SLC24A2: variants seen among roughly 807,000 people sequenced by gnomAD.
The protein encoded by SLC24A2 is solute carrier family 24 member 2.
SLC24A2 carries 36 observed loss-of-function variants against 62.0 expected under a neutral mutation model. The observed-to-expected ratio is 0.58, with a 90% CI of 0.44 to 0.77. The LOEUF (loss-of-function observed/expected upper bound fraction) is 0.77, where lower values mean the gene tolerates loss of function less well. Ranked by LOEUF, SLC24A2 falls within the 30% of genes least tolerant of loss-of-function variation. SLC24A2 has a pLI of 0.00. For missense variants in SLC24A2, 846 were observed against 817.9 expected (o/e 1.03, Z -0.42); for synonymous variants, 358 against 294.0 (o/e 1.22, Z -2.23).
chr9:20,255,811 G>T, the SLC24A2 span, among the ~76,000 whole-genome samples: 1 of 152,188 alleles, frequency 6.6e-6, no homozygotes, highest in Non-Finnish European at 1.5e-5. Context: ...AAGAATTCAT[G>T]GTCATACTTA....
rs1232096134 is a variant in SLC24A2 at position 19,508,562 on chromosome 9, G to C, written c.*7591C>G. ...AATCCCAGCACTTTGGGAGGCCAAA[G>C]CAGGAGGATCTCTTGAGCCCAGGAG... On this transcript the variant is annotated 3_prime_UTR_variant, in exon 11 of 11. Transcript: ENST00000341998. 1 of 152,210 alleles carries C rather than the reference G, an allele frequency of 6.6e-6. No homozygotes were observed. Among genetic ancestry groups the C allele is most frequent in the Non-Finnish European group, 1.5e-5 (1 of 68,072 alleles). 9.4% of individuals were successfully genotyped at this position (152,210 alleles called of 1,614,324 possible). A position where few individuals can be genotyped will look rare whatever the true frequency, so the allele number is the denominator to read the frequency against.
At position 19,535,928 on chromosome 9, in the gene SLC24A2, T is replaced by A. The variant is rs578260067; in HGVS notation, c.1480-7790A>T. 1.2e-3 allele frequency among the ~76,000 whole-genome samples: 187 copies of A among 150,330 alleles called. 3 individuals are homozygous for A. The highest frequency in any genetic ancestry group is 4.4e-3 in the African/African-American group (176 of 39,664). ...ACAGCATTGAATCTATAAATTACTT[T>A]GGAAAGTATGGCCATTTTCATGATA... On this transcript the variant is annotated intron_variant, in intron 8 of 10. Transcript: ENST00000341998.
At chr9:19,647,717 C>A (rs1277205654) in intron 2 of SLC24A2, among the ~76,000 whole-genome samples, 6 of 152,170 alleles carry the variant, frequency 3.9e-5, no homozygotes, top group Non-Finnish European at 8.8e-5. Context: ...CCATTAGATA[C>A]CATTTATATT....
chr9:19,791,080 T>A (rs1354506931), upstream of SLC24A2, among the ~76,000 whole-genome samples: 1 of 152,206 alleles, frequency 6.6e-6, no homozygotes, highest in Non-Finnish European at 1.5e-5. Context: ...AATTTATTTT[T>A]CTCATGGTAA....
chr9:20,275,721 G>C, the SLC24A2 span, among the ~76,000 whole-genome samples: 4 of 152,164 alleles, frequency 2.6e-5, no homozygotes, highest in African/African-American at 9.7e-5. Flanking sequence ...ATGAAGAAAT[G>C]CCCAAGACTG....
At chr9:20,187,812 C>A in the SLC24A2 span, among the ~76,000 whole-genome samples, 1 of 152,188 alleles carries the variant, frequency 6.6e-6, no homozygotes, top group Non-Finnish European at 1.5e-5. Flanking sequence ...TCAGTCTCCC[C>A]TAGACCCTTG....
Position 19,510,959 on chromosome 9 carries a change from G to C in SLC24A2, c.*5194C>G, listed in dbSNP as rs1210267672. The C allele has an allele frequency of 6.6e-6, 1 of 152,230 alleles. No individual in the cohort carries two copies. The highest frequency in any genetic ancestry group is 2.4e-5 in the African/African-American group (1 of 41,438). 9.4% of individuals were successfully genotyped at this position (152,230 alleles called of 1,614,324 possible). A position where few individuals can be genotyped will look rare whatever the true frequency, so the allele number is the denominator to read the frequency against. ...CATATTAAGGGCCTCTGTGGAGTTT[G>C]GGTGGTTCTGAGCAAGGCTGGTGCC... On this transcript the variant is annotated 3_prime_UTR_variant, in exon 11 of 11. Coordinates refer to ENST00000341998, the MANE Select transcript of SLC24A2 (RefSeq NM_020344.4).
At chr9:20,116,910 A>G in the SLC24A2 span, among the ~76,000 whole-genome samples, 1 of 152,158 alleles carries the variant, frequency 6.6e-6, no homozygotes, top group Non-Finnish European at 1.5e-5. Flanking sequence ...AGTCAGGTTA[A>G]GCCCTGTTAA....
intron 2 of SLC24A2, among the ~76,000 whole-genome samples, chr9:19,666,631 A>G (rs1442399832): frequency 6.6e-6 from 1 of 152,220 alleles, no homozygotes; most frequent in African/African-American, 2.4e-5. Flanking sequence ...TAGAGAGTAT[A>G]TATTTCTTTA....
chr9:19,900,045 C>A, the SLC24A2 span, among the ~76,000 whole-genome samples: 1 of 152,118 alleles, frequency 6.6e-6, no homozygotes, highest in South Asian at 2.1e-4. Flanking sequence ...GGGGAGGGGC[C>A]ATTGCTAATC....
the SLC24A2 span, among the ~76,000 whole-genome samples, chr9:19,851,742 G>T: frequency 0.58 from 87,633 of 152,008 alleles, 25,898 homozygotes; most frequent in Non-Finnish European, 0.63. Flanking sequence ...GGTGGGCTTT[G>T]AGGTTGACTC....
chr9:20,162,890 T>C, the SLC24A2 span, among the ~76,000 whole-genome samples: 1 of 152,136 alleles, frequency 6.6e-6, no homozygotes, highest in South Asian at 2.1e-4. Context: ...CACATGATTA[T>C]CTCAATAGAT....
chr9:20,006,155 C>T, the SLC24A2 span, among the ~76,000 whole-genome samples: 2 of 150,802 alleles, frequency 1.3e-5, no homozygotes, highest in Non-Finnish European at 3.0e-5. Flanking sequence ...TTATATATAC[C>T]TACTTTTCAT....
intron 10 of SLC24A2, among the ~76,000 whole-genome samples, chr9:19,517,018 T>A (rs1479403811): frequency 6.6e-6 from 1 of 152,200 alleles, no homozygotes; most frequent in Non-Finnish European, 1.5e-5. Flanking sequence ...TATCTTACAT[T>A]TGTGATGTGT....
At chr9:19,788,545 G>A (rs1823247412) in intron 1 of SLC24A2, 2 of 985,478 alleles carry the variant, frequency 2.0e-6, no homozygotes, top group South Asian at 9.4e-5. Context: ...TGAGCTTGGA[G>A]CTGGGTTGCA....
At chr9:19,759,669 A>G (rs1014858882) in intron 2 of SLC24A2, among the ~76,000 whole-genome samples, 5 of 152,210 alleles carry the variant, frequency 3.3e-5, no homozygotes, top group Non-Finnish European at 7.3e-5. Flanking sequence ...CATTTACTCA[A>G]TAATTATTTA....
chr9:20,159,213 A>G, the SLC24A2 span, among the ~76,000 whole-genome samples: 1 of 151,690 alleles, frequency 6.6e-6, no homozygotes, highest in Middle Eastern at 3.2e-3. Flanking sequence ...CACACGAACC[A>G]TTCCTGAAGA....
chr9:20,224,060 A>T, the SLC24A2 span, among the ~76,000 whole-genome samples: 2 of 152,060 alleles, frequency 1.3e-5, no homozygotes, highest in African/African-American at 4.8e-5. Context: ...TAACAAAAAC[A>T]GCATGAGGAA....
chr9:19,814,027 G>C, the SLC24A2 span, among the ~76,000 whole-genome samples: 1 of 152,074 alleles, frequency 6.6e-6, no homozygotes, highest in African/African-American at 2.4e-5. Flanking sequence ...TATAGTTCTA[G>C]TGGCTTTAGT....
Sources: gnomAD v4.1 joint callset for allele counts (sites outside exome capture counted in the v4.1 genomes callset) on GRCh38, gnomAD v4.1.1 for gene constraint, MANE v1.5 for transcripts, NCBI Gene and HGNC (gene_info 2026-07-23, HGNC 2026-07-21) for gene names.